The following FAM184B variants were observed in gnomAD, a reference collection of about 807,000 sequenced individuals.
FAM184B encodes protein FAM184B.
A neutral mutation model predicts 135.9 loss-of-function variants in FAM184B; 111 were observed. The ratio of observed to expected loss-of-function variants is 0.82; its 90% CI spans 0.70 to 0.96. The LOEUF (loss-of-function observed/expected upper bound fraction) is 0.96, where lower values mean the gene tolerates loss of function less well. Among genes scored for constraint, FAM184B ranks in the 40% least tolerant of loss-of-function variants. The pLI is 0.00. For synonymous variants in FAM184B, 552 were observed against 524.8 expected (o/e 1.05, Z -0.71); for missense variants, 1,375 against 1,323.9 (o/e 1.04, Z -0.60).
chr4:17,691,232 T>C (rs1716725232), intron 6 of FAM184B, among the ~76,000 whole-genome samples: 1 of 152,202 alleles, frequency 6.6e-6, no homozygotes, highest in South Asian at 2.1e-4. Flanking sequence ...GAAAGTGATT[T>C]ACCTTCTCTG....
chr4:17,765,229 A>G (rs1467917502), intron 1 of FAM184B, among the ~76,000 whole-genome samples: 3 of 152,158 alleles, frequency 2.0e-5, no homozygotes, highest in African/African-American at 7.2e-5. Flanking sequence ...CTTGTCTATC[A>G]GATTGTCTTT....
chr4:17,633,961 T>A, intron 16 of FAM184B, 73 bp from the exon 17 acceptor site: 1 of 1,187,942 alleles, frequency 8.4e-7, no homozygotes, highest in Non-Finnish European at 1.1e-6. Context: ...TAAAAGCAAA[T>A]AATGCTCACC....
chr4:17,653,809 T>A (rs1715698424), intron 10 of FAM184B, among the ~76,000 whole-genome samples: 1 of 149,376 alleles, frequency 6.7e-6, no homozygotes, highest in South Asian at 2.1e-4. Context: ...GGATCTTAGA[T>A]GGGAGATTAT....
intron 4 of FAM184B, 28 bp downstream of exon 4, chr4:17,705,724 C>G (rs1005126686): frequency 6.4e-7 from 1 of 1,550,668 alleles, no homozygotes; most frequent in African/African-American, 1.4e-5. Context: ...TGTGCCTTCT[C>G]CATCCCCAGG....
chr4:17,708,891 C>T lies in FAM184B; in HGVS notation c.894+1G>A, dbSNP rs1351861098. The stretch of plus-strand genomic sequence containing the variant: ...GGTTGTAAGAAGAGATGCTGCTTTA[C>T]CTGAATCCTCTCCTTCAGCTTCTGG... On this transcript the variant is annotated splice_donor_variant, in intron 2 of 17. Transcript: ENST00000265018. LOFTEE classifies it high-confidence loss of function. 1.3e-6 allele frequency: 2 copies of T among 1,502,716 alleles called. No homozygotes were observed. The highest frequency in any genetic ancestry group is 8.9e-7 in the Non-Finnish European group (1 of 1,123,404). 93.1% of individuals were successfully genotyped at this position (1,502,716 alleles called of 1,614,324 possible). A position where few individuals can be genotyped will look rare whatever the true frequency, so the allele number is the denominator to read the frequency against.
intron 1 of FAM184B, among the ~76,000 whole-genome samples, chr4:17,774,615 G>T (rs1718885087): frequency 1.3e-5 from 2 of 152,158 alleles, no homozygotes; most frequent in South Asian, 2.1e-4. Context: ...CAAGCCAGTG[G>T]TTCTCAACCC....
At chr4:17,644,378 T>G (rs1018449897) in intron 12 of FAM184B, among the ~76,000 whole-genome samples, 1 of 152,192 alleles carries the variant, frequency 6.6e-6, no homozygotes, top group African/African-American at 2.4e-5. Flanking sequence ...ATCAAAAAGC[T>G]TATCCACCAT....
At chr4:17,675,512 A>C (rs1159814202) in intron 7 of FAM184B, among the ~76,000 whole-genome samples, 1 of 152,186 alleles carries the variant, frequency 6.6e-6, no homozygotes, top group Admixed American at 6.5e-5. Flanking sequence ...GCTTTAACTT[A>C]AAGTCACTAG....
chr4:17,648,139 T>C (rs1212491863), intron 11 of FAM184B, among the ~76,000 whole-genome samples: 1 of 151,988 alleles, frequency 6.6e-6, no homozygotes, highest in African/African-American at 2.4e-5. Context: ...GGTTCTTCAC[T>C]CTGAACCCCG....
At chr4:17,737,905 T>C (rs2108981574) in intron 1 of FAM184B, among the ~76,000 whole-genome samples, 1 of 152,350 alleles carries the variant, frequency 6.6e-6, no homozygotes, top group East Asian at 1.9e-4. Flanking sequence ...CCATGGTTCC[T>C]GCCTCTGGGA....
At chr4:17,756,498 C>T (rs76008814) in intron 1 of FAM184B, among the ~76,000 whole-genome samples, 6,546 of 152,002 alleles carry the variant, frequency 0.043, 456 homozygotes, top group African/African-American at 0.15. Context: ...GAAAATAAAC[C>T]GTAATTTTTA....
intron 1 of FAM184B, among the ~76,000 whole-genome samples, chr4:17,717,545 C>T (rs1468214286): frequency 6.6e-6 from 1 of 152,114 alleles, no homozygotes; most frequent in Non-Finnish European, 1.5e-5. Flanking sequence ...ACTTCAGAAT[C>T]CATCAAGGCA....
At chr4:17,644,047 G>A (rs541271197) in intron 12 of FAM184B, among the ~76,000 whole-genome samples, 95 of 152,316 alleles carry the variant, frequency 6.2e-4, no homozygotes, top group Non-Finnish European at 1.1e-3. Flanking sequence ...CATGAGATAT[G>A]CTGGGCAGCA....
At chr4:17,726,430 G>A (rs1184055612) in intron 1 of FAM184B, among the ~76,000 whole-genome samples, 3 of 152,084 alleles carry the variant, frequency 2.0e-5, no homozygotes, top group Non-Finnish European at 4.4e-5. Context: ...GGAGTGCCAT[G>A]GCGTGATCTC....
rs1714954145 is a variant in FAM184B at position 17,631,857 on chromosome 4, TG to T, written c.*674del. On this transcript the variant is annotated 3_prime_UTR_variant, in exon 18 of 18. Coordinates refer to ENST00000265018, the MANE Select transcript of FAM184B (RefSeq NM_015688.2). ...ATTTTACATAGAAACAGCTTTCCAG[TG>T]GAGTTGACTAGCATCCTAAGGACAA... 1 of 152,064 alleles carries T rather than the reference TG, an allele frequency of 6.6e-6. No homozygotes were observed. The highest frequency in any genetic ancestry group is 2.4e-5 in the African/African-American group (1 of 41,378). The allele number at this position is 152,064 out of a possible 1,614,324, so 9.4% of individuals were successfully genotyped here. A position where few individuals can be genotyped will look rare whatever the true frequency, so the allele number is the denominator to read the frequency against.
At chr4:17,756,199 T>C (rs922294132) in intron 1 of FAM184B, among the ~76,000 whole-genome samples, 6 of 152,138 alleles carry the variant, frequency 3.9e-5, no homozygotes, top group African/African-American at 1.2e-4. Context: ...AATCCAGATC[T>C]AGAGCAGGAA....
At chr4:17,640,848 G>A (rs1372685925) in intron 13 of FAM184B, among the ~76,000 whole-genome samples, 4 of 152,158 alleles carry the variant, frequency 2.6e-5, no homozygotes, top group African/African-American at 9.7e-5. Flanking sequence ...TTAACCAAGC[G>A]TTTCATTCAT....
intron 15 of FAM184B, 44 bp from the exon 16 acceptor site, chr4:17,635,157 A>C: frequency 6.9e-7 from 1 of 1,456,240 alleles, no homozygotes; most frequent in Non-Finnish European, 9.4e-7. Flanking sequence ...CTAACCACAC[A>C]GCACTGGGTT....
intron 1 of FAM184B, among the ~76,000 whole-genome samples, chr4:17,745,927 C>A (rs994492028): frequency 6.6e-6 from 1 of 152,130 alleles, no homozygotes; most frequent in Non-Finnish European, 1.5e-5. Flanking sequence ...GGCCTATGAT[C>A]TTTGGTTATA....
Sources: gnomAD v4.1 joint callset for allele counts (sites outside exome capture counted in the v4.1 genomes callset) on GRCh38, gnomAD v4.1.1 for gene constraint, MANE v1.5 for transcripts, NCBI Gene and HGNC (gene_info 2026-07-23, HGNC 2026-07-21) for gene names.